Variants in RGS7 observed in about 807,000 individuals in gnomAD.
RGS7 encodes regulator of G protein signaling 7.
In RGS7, 27 loss-of-function variants were observed where a neutral mutation model predicts 81.1. The ratio of observed to expected loss-of-function variants is 0.33; its 90% CI spans 0.25 to 0.46. The LOEUF (loss-of-function observed/expected upper bound fraction) is 0.46, where lower values mean the gene tolerates loss of function less well. Among genes scored for constraint, RGS7 ranks in the 20% least tolerant of loss-of-function variants. The pLI, the probability that RGS7 is intolerant of heterozygous loss-of-function variation, is 1.00. For missense variants in RGS7, 396 were observed against 607.4 expected (o/e 0.65, Z 3.66); for synonymous variants, 208 against 207.7 (o/e 1.00, Z -0.01).
intron 6 of RGS7, among the ~76,000 whole-genome samples, chr1:240,872,819 C>T (rs1448576845): frequency 6.6e-6 from 1 of 152,126 alleles, no homozygotes; most frequent in Non-Finnish European, 1.5e-5. Context: ...TGGCTCATGC[C>T]TGTAATCCCA....
In RGS7 at chr1:240,926,809, T is replaced by TA. The variant is rs200459315; in HGVS notation, c.385+3907dup. Reference sequence around the variant, plus strand: ...CTTGCACACAAAATACCAGAAATCTTATCCAACTTGATTTTCGAAGAATGG... The same window carrying TA: ...CTTGCACACAAAATACCAGAAATCTTAATCCAACTTGATTTTCGAAGAATGG... On this transcript the variant is annotated intron_variant, in intron 6 of 18. Coordinates refer to ENST00000440928, the MANE Select transcript of RGS7 (RefSeq NM_001364886.1). Among the ~76,000 whole-genome samples, 1,114 of 152,340 alleles carry TA rather than the reference T, an allele frequency of 7.3e-3. 13 individuals are homozygous for TA. Among genetic ancestry groups the TA allele is most frequent in the South Asian group, 0.019 (90 of 4,822 alleles).
intron 3 of RGS7, among the ~76,000 whole-genome samples, chr1:241,058,931 T>C (rs986173651): frequency 7.2e-5 from 11 of 152,208 alleles, no homozygotes; most frequent in African/African-American, 2.4e-4. Flanking sequence ...CTCAACTTAA[T>C]GCAATCTGGT....
chr1:241,168,285 G>C (rs184585221), intron 2 of RGS7, among the ~76,000 whole-genome samples: 28 of 151,994 alleles, frequency 1.8e-4, no homozygotes, highest in African/African-American at 6.3e-4. Flanking sequence ...AGGTTTTAGA[G>C]GTAACATAGT....
At chr1:241,237,897 G>A (rs1405293155) in intron 2 of RGS7, among the ~76,000 whole-genome samples, 1 of 152,214 alleles carries the variant, frequency 6.6e-6, no homozygotes, top group Non-Finnish European at 1.5e-5. Context: ...GTTCCTCTGA[G>A]AATTCCGACT....
At chr1:240,803,472 A>T (rs1467771885) in intron 15 of RGS7, among the ~76,000 whole-genome samples, 1 of 152,132 alleles carries the variant, frequency 6.6e-6, no homozygotes, top group Non-Finnish European at 1.5e-5. Flanking sequence ...AATTGCATGG[A>T]AAATTGTCTT....
intron 2 of RGS7, among the ~76,000 whole-genome samples, chr1:241,215,616 T>G (rs1474306854): frequency 6.6e-6 from 1 of 152,186 alleles, no homozygotes; most frequent in African/African-American, 2.4e-5. Flanking sequence ...TTCTGACTCC[T>G]CAGGCAAATA....
chr1:241,344,927 T>C (rs1006865181), intron 2 of RGS7, among the ~76,000 whole-genome samples: 9 of 152,242 alleles, frequency 5.9e-5, no homozygotes, highest in Non-Finnish European at 1.0e-4. Context: ...TGAAGACAGA[T>C]GCATGCGAAT....
chr1:241,239,393 A>G (rs1177257211), intron 2 of RGS7, among the ~76,000 whole-genome samples: 1 of 152,128 alleles, frequency 6.6e-6, no homozygotes, highest in Non-Finnish European at 1.5e-5. Flanking sequence ...CCCATCCAGC[A>G]TGCTCTCCAC....
At chr1:241,013,336 T>G (rs2059067075) in intron 3 of RGS7, among the ~76,000 whole-genome samples, 1 of 152,126 alleles carries the variant, frequency 6.6e-6, no homozygotes, top group African/African-American at 2.4e-5. Context: ...GTGCTGGGAT[T>G]ACAGGCATGA....
chr1:240,861,596 C>T (rs1024384656), intron 9 of RGS7, among the ~76,000 whole-genome samples: 1 of 151,962 alleles, frequency 6.6e-6, no homozygotes, highest in Non-Finnish European at 1.5e-5. Context: ...CAGTCATTTT[C>T]ATAGTAGTCA....
chr1:240,805,996 C>T (rs1269690010), intron 15 of RGS7, 144 bp downstream of exon 15: 19 of 766,148 alleles, frequency 2.5e-5, no homozygotes, highest in South Asian at 2.3e-4. Flanking sequence ...TTTGTTCCTT[C>T]CTAGATCAGT....
At chr1:240,994,997 T>C (rs1233902327) in intron 3 of RGS7, among the ~76,000 whole-genome samples, 1 of 152,160 alleles carries the variant, frequency 6.6e-6, no homozygotes, top group African/African-American at 2.4e-5. Flanking sequence ...TAGATGTTCT[T>C]TATCAAGTTG....
At chr1:240,795,486 G>A (rs974708673) in intron 18 of RGS7, among the ~76,000 whole-genome samples, 1 of 152,050 alleles carries the variant, frequency 6.6e-6, no homozygotes, top group Admixed American at 6.6e-5. Context: ...AAAAAATAAA[G>A]ATACAAAAGA....
intron 2 of RGS7, among the ~76,000 whole-genome samples, chr1:241,154,703 C>T (rs2068990331): frequency 1.3e-5 from 2 of 152,154 alleles, no homozygotes. Context: ...TCTGAAAACT[C>T]AAACTGAGGA....
chr1:241,259,667 A>AATATATATATATATATAT (rs59037983), intron 2 of RGS7, among the ~76,000 whole-genome samples: 23 of 49,002 alleles, frequency 4.7e-4, no homozygotes, highest in Non-Finnish European at 7.3e-4. Context: ...AAAAAAAAAA[A>AATATATATATATATATAT]ATATATATAT....
chr1:240,867,973 C>T (rs540172282), intron 9 of RGS7, among the ~76,000 whole-genome samples: 25 of 146,406 alleles, frequency 1.7e-4, no homozygotes, highest in Middle Eastern at 6.8e-3. Context: ...TGTACTCCAG[C>T]CTGGGCCACA....
rs557847304 is a variant in RGS7, at chr1:240,988,959, A to G, written c.176-5830T>C. ...TTAACACCGGACAAGGCCACTCTAG[A>G]ACCCTCATAGGTCAAGATAAAAACA... On this transcript the variant is annotated intron_variant, in intron 3 of 18. Transcript: ENST00000440928. 2.0e-5 allele frequency among the ~76,000 whole-genome samples: 3 copies of G among 152,316 alleles called. No homozygotes were observed. The East Asian group carries it at 5.8e-4, about 29-fold the overall frequency.
intron 2 of RGS7, among the ~76,000 whole-genome samples, chr1:241,307,844 C>A (rs2080270622): frequency 6.6e-6 from 1 of 152,066 alleles, no homozygotes; most frequent in African/African-American, 2.4e-5. Context: ...AGTGGTTAGT[C>A]CCAAGCTCCA....
intron 3 of RGS7, among the ~76,000 whole-genome samples, chr1:241,003,323 T>A (rs539483): frequency 1.3e-5 from 2 of 151,636 alleles, no homozygotes; most frequent in Non-Finnish European, 2.9e-5. Context: ...TAGCCGGGCG[T>A]CGTGGCAGGT....
Sources: allele counts gnomAD v4.1 joint callset (sites outside exome capture counted in the v4.1 genomes callset), GRCh38; gene constraint gnomAD v4.1.1; transcripts MANE v1.5; gene names NCBI Gene and HGNC (gene_info 2026-07-23, HGNC 2026-07-21).